The following OSBP2 variants were observed in gnomAD, a reference collection of about 807,000 sequenced individuals.
OSBP2 encodes oxysterol binding protein 2.
In OSBP2, 66 loss-of-function variants were observed where a neutral mutation model predicts 96.0. The ratio of observed to expected loss-of-function variants is 0.69; its 90% CI spans 0.56 to 0.84. The LOEUF (loss-of-function observed/expected upper bound fraction) is 0.84. Ranked by LOEUF, OSBP2 falls within the 40% of genes least tolerant of loss-of-function variation. OSBP2 has a pLI of 0.00. For synonymous variants in OSBP2, 525 were observed against 520.9 expected, an observed-to-expected ratio of 1.01 and a Z score of -0.11; for missense variants, 1,038 against 1,222.7, an observed-to-expected ratio of 0.85 and a Z score of 2.25.
chr22:30,789,845 A>C (rs1366336853), intron 2 of OSBP2, among the ~76,000 whole-genome samples: 1 of 152,170 alleles, frequency 6.6e-6, no homozygotes. Context: ...CTTTGTCTGC[A>C]ACAGCTTTGC....
intron 3 of OSBP2, among the ~76,000 whole-genome samples, chr22:30,884,080 C>T (rs2039759863): frequency 6.6e-6 from 1 of 152,202 alleles, no homozygotes; most frequent in East Asian, 1.9e-4. Flanking sequence ...GTATGATGGA[C>T]AGTGACTGCA....
At chr22:30,768,945 G>A (rs969520422) in intron 2 of OSBP2, among the ~76,000 whole-genome samples, 1 of 152,238 alleles carries the variant, frequency 6.6e-6, no homozygotes, top group African/African-American at 2.4e-5. Context: ...ATCCAGAGGT[G>A]GAGGGCCCCG....
intron 2 of OSBP2, among the ~76,000 whole-genome samples, chr22:30,788,862 G>A (rs899860116): frequency 1.3e-5 from 2 of 152,100 alleles, no homozygotes; most frequent in African/African-American, 2.4e-5. Flanking sequence ...ACAGGCGCCT[G>A]CCACCACACC....
intron 2 of OSBP2, among the ~76,000 whole-genome samples, chr22:30,843,823 GTGCCACTGCACTCCAGCC>G (rs1311910369): frequency 3.3e-5 from 5 of 152,034 alleles, no homozygotes; most frequent in Non-Finnish European, 7.3e-5. Flanking sequence ...AGCCAGGATC[GTGCCACTGCACTCCAGCC>G]TGGGTAATAG....
At chr22:30,733,721 G>A (rs979518512) in intron 1 of OSBP2, among the ~76,000 whole-genome samples, 18 of 152,080 alleles carry the variant, frequency 1.2e-4, no homozygotes, top group African/African-American at 4.1e-4. Context: ...GGCCTAAAAA[G>A]CAATGCATTA....
chr22:30,757,559 A>G (rs1453626315), intron 2 of OSBP2, among the ~76,000 whole-genome samples: 1 of 152,016 alleles, frequency 6.6e-6, no homozygotes, highest in Non-Finnish European at 1.5e-5. Context: ...CTGGGTCTAC[A>G]GGTGGGTGCC....
intron 2 of OSBP2, among the ~76,000 whole-genome samples, chr22:30,834,389 T>A (rs2038590614): frequency 6.6e-6 from 1 of 152,202 alleles, no homozygotes; most frequent in African/African-American, 2.4e-5. Context: ...CTAGGTAATA[T>A]AGTTTAACTT....
At chr22:30,745,261 A>T (rs1440650039) in intron 2 of OSBP2, among the ~76,000 whole-genome samples, 1 of 152,228 alleles carries the variant, frequency 6.6e-6, no homozygotes, top group African/African-American at 2.4e-5. Flanking sequence ...TGTATGTTAA[A>T]AAAGAAGGAA....
intron 2 of OSBP2, among the ~76,000 whole-genome samples, chr22:30,861,002 T>C (rs2039199695): frequency 3.3e-5 from 5 of 152,202 alleles, no homozygotes; most frequent in Admixed American, 3.3e-4. Context: ...CGCCCTAGCT[T>C]GTCTCATGTG....
chr22:30,715,582 A>T (rs563738237), intron 1 of OSBP2, among the ~76,000 whole-genome samples: 52 of 140,238 alleles, frequency 3.7e-4, no homozygotes, highest in Non-Finnish European at 6.3e-4. Context: ...GTGGAGTTTC[A>T]CTCTTGTTGC....
intron 2 of OSBP2, among the ~76,000 whole-genome samples, chr22:30,748,770 G>A (rs987551023): frequency 1.2e-4 from 18 of 152,204 alleles, no homozygotes; most frequent in Non-Finnish European, 5.9e-5. Context: ...CAGTTACAGA[G>A]TAGGGCATCC....
intron 1 of OSBP2, among the ~76,000 whole-genome samples, chr22:30,737,499 A>AT (rs961287336): frequency 6.8e-6 from 1 of 147,362 alleles, no homozygotes; most frequent in Non-Finnish European, 1.5e-5. Flanking sequence ...ATTAAAAAAA[A>AT]TTTTTTTTTG....
At chr22:30,743,142 C>G (rs1031872503) in intron 2 of OSBP2, among the ~76,000 whole-genome samples, 20 of 152,174 alleles carry the variant, frequency 1.3e-4, no homozygotes, top group Non-Finnish European at 2.1e-4. Context: ...GGGGCACAGC[C>G]CCTGCTCTCC....
chr22:30,697,344 T>C (rs2089060974), intron 1 of OSBP2, among the ~76,000 whole-genome samples: 1 of 152,132 alleles, frequency 6.6e-6, no homozygotes, highest in African/African-American at 2.4e-5. Flanking sequence ...AGTGGTGCAA[T>C]CTCGGTTCAC....
intron 2 of OSBP2, among the ~76,000 whole-genome samples, chr22:30,856,776 T>C (rs562408173): frequency 1.5e-4 from 23 of 151,080 alleles, no homozygotes; most frequent in Non-Finnish European, 2.7e-4. Flanking sequence ...TTCATTTCTT[T>C]TAGAAAAAAA....
chr22:30,822,952 TTAAC>T (rs1330747582), intron 2 of OSBP2, among the ~76,000 whole-genome samples: 1 of 152,214 alleles, frequency 6.6e-6, no homozygotes, highest in Non-Finnish European at 1.5e-5. Flanking sequence ...GTCCGTCTAA[TTAAC>T]CTATGCAAAA....
rs189335762 is a variant in OSBP2, at chr22:30,887,586, G to A, written c.1268G>A (p.Arg423Gln). 98 of 1,609,524 alleles carry A rather than the reference G, an allele frequency of 6.1e-5. No individual in the cohort carries two copies. The African/African-American group carries it at 8.8e-4, about 14-fold the overall frequency. ...LERAFHSAPG[R>Q]PANPSKSFIE... is the part of the protein sequence containing the mutation. ...CGGGCCTTCCACAGTGCCCCTGGCCGGCCGGCCAACCCCTCCAAGAGCTTC... is the reference window on the plus strand; with the variant it reads ...CGGGCCTTCCACAGTGCCCCTGGCCAGCCGGCCAACCCCTCCAAGAGCTTC... Residue 423 changes from arginine (R) to glutamine (Q), a missense_variant, in exon 4 of 14, where the codon CGG (arginine) becomes CAG (glutamine). By Grantham distance (43) the Arg-to-Gln change is conservative. This residue lies in a region of OSBP2 where 737 missense variants were observed against 913.3 expected (regional missense o/e 0.81). Coordinates refer to ENST00000332585, the MANE Select transcript of OSBP2 (RefSeq NM_030758.4).
chr22:30,720,227 A>G (rs150955960), intron 1 of OSBP2, among the ~76,000 whole-genome samples: 1 of 152,302 alleles, frequency 6.6e-6, no homozygotes, highest in African/African-American at 2.4e-5. Flanking sequence ...CTGTAAGACA[A>G]CAATAAGCAT....
At chr22:30,745,516 A>G (rs767238731) in intron 2 of OSBP2, among the ~76,000 whole-genome samples, 8 of 152,004 alleles carry the variant, frequency 5.3e-5, no homozygotes, top group Non-Finnish European at 8.8e-5. Context: ...TTAAAAATTA[A>G]ATTAGCCAGA....
Sources: allele counts gnomAD v4.1 joint callset (sites outside exome capture counted in the v4.1 genomes callset), GRCh38; gene constraint gnomAD v4.1.1; regional missense constraint gnomAD v4.1.1; transcripts MANE v1.5; gene names NCBI Gene and HGNC (gene_info 2026-07-23, HGNC 2026-07-21).